Variants in RFX7 observed in about 807,000 individuals in gnomAD.
RFX7 encodes DNA-binding protein RFX7.
In RFX7, 26 loss-of-function variants were observed where a neutral mutation model predicts 111.8. The observed-to-expected ratio is 0.23, with a 90% CI of 0.17 to 0.32. RFX7 has a LOEUF of 0.32. Among genes scored for constraint, RFX7 ranks in the 10% least tolerant of loss-of-function variants. The probability of loss-of-function intolerance (pLI) is 1.00; values close to 1 mark genes in which losing one functional copy is unlikely to be tolerated. For missense variants in RFX7, 1,573 were observed against 1,772.9 expected, an observed-to-expected ratio of 0.89 and a Z score of 2.02; for synonymous variants, 624 against 624.4, an observed-to-expected ratio of 1.00 and a Z score of 0.01.
At chr15:56,244,819 T>C (rs2043806413), upstream of RFX7, among the ~76,000 whole-genome samples, 1 of 148,612 alleles carries the variant, frequency 6.7e-6, no homozygotes, top group Admixed American at 6.7e-5. Context: ...TCCGCACCAT[T>C]CCCCCCCTTC....
chr15:56,220,742 T>C (rs983022421), intron 2 of RFX7, among the ~76,000 whole-genome samples: 2 of 152,186 alleles, frequency 1.3e-5, no homozygotes, highest in South Asian at 4.1e-4. Flanking sequence ...TGTCAAATCT[T>C]TCCTTTCCCG....
chr15:56,124,302 G>A (rs1299038134), intron 5 of RFX7, among the ~76,000 whole-genome samples: 1 of 151,940 alleles, frequency 6.6e-6, no homozygotes, highest in East Asian at 1.9e-4. Flanking sequence ...GGCACCTGTA[G>A]TCCCAGCTAC....
intron 3 of RFX7, among the ~76,000 whole-genome samples, chr15:56,173,693 T>G (rs778438776): frequency 1.3e-5 from 2 of 149,938 alleles, no homozygotes; most frequent in Non-Finnish European, 3.0e-5. Flanking sequence ...ACTCCGGAGG[T>G]TGAGGCAGGA....
intron 2 of RFX7, among the ~76,000 whole-genome samples, chr15:56,180,714 T>C (rs952504373): frequency 7.2e-6 from 1 of 139,842 alleles, no homozygotes; most frequent in Non-Finnish European, 1.5e-5. Context: ...GAGACCAGCT[T>C]GGGCAACACG....
chr15:56,212,804 A>C (rs2043326051), intron 2 of RFX7, among the ~76,000 whole-genome samples: 1 of 152,146 alleles, frequency 6.6e-6, no homozygotes, highest in South Asian at 2.1e-4. Flanking sequence ...ACTCAACAGC[A>C]AAAAAAGCAA....
At chr15:56,128,862 G>A (rs1204653164) in intron 5 of RFX7, among the ~76,000 whole-genome samples, 1 of 151,414 alleles carries the variant, frequency 6.6e-6, no homozygotes, top group Non-Finnish European at 1.5e-5. Flanking sequence ...AAAATTGCAG[G>A]ATACGAGATC....
At chr15:56,198,048 C>A (rs1396642084) in intron 2 of RFX7, among the ~76,000 whole-genome samples, 2 of 152,172 alleles carry the variant, frequency 1.3e-5, no homozygotes, top group African/African-American at 4.8e-5. Flanking sequence ...CTTGATACAG[C>A]AATGCTAGCT....
chr15:56,241,079 T>C (rs1239239989), intron 2 of RFX7, among the ~76,000 whole-genome samples: 1 of 152,136 alleles, frequency 6.6e-6, no homozygotes, highest in Non-Finnish European at 1.5e-5. Flanking sequence ...CAAATAGGAT[T>C]TCTAAAGTTG....
At chr15:56,153,400 T>C (rs1020504166) in intron 3 of RFX7, among the ~76,000 whole-genome samples, 5 of 152,214 alleles carry the variant, frequency 3.3e-5, no homozygotes, top group African/African-American at 1.2e-4. Context: ...GCAAGGCTTG[T>C]TCACCATACA....
At chr15:56,142,950 G>C (rs141891738) in intron 4 of RFX7, 50 bp from the exon 5 acceptor site, 20 of 1,600,080 alleles carry the variant, frequency 1.2e-5, no homozygotes, top group Non-Finnish European at 1.5e-5. Context: ...ATTCATTAAC[G>C]ATTTTTGAGC....
At chr15:56,210,424 T>C (rs2043301489) in intron 2 of RFX7, among the ~76,000 whole-genome samples, 1 of 152,034 alleles carries the variant, frequency 6.6e-6, no homozygotes, top group African/African-American at 2.4e-5. Flanking sequence ...TGGTATGAAA[T>C]CAGGAAGGAC....
intron 3 of RFX7, among the ~76,000 whole-genome samples, chr15:56,150,292 G>T (rs1389046149): frequency 6.6e-6 from 1 of 152,192 alleles, no homozygotes; most frequent in Admixed American, 6.5e-5. Context: ...AACTCCCAGT[G>T]CAGCGTTCCA....
At chr15:56,210,334 A>G (rs138280598) in intron 2 of RFX7, among the ~76,000 whole-genome samples, 3 of 152,214 alleles carry the variant, frequency 2.0e-5, no homozygotes, top group African/African-American at 7.2e-5. Flanking sequence ...GAGAACTGCA[A>G]GGAGAAACAG....
intron 3 of RFX7, among the ~76,000 whole-genome samples, chr15:56,174,120 A>T (rs2042875701): frequency 6.6e-6 from 1 of 152,092 alleles, no homozygotes; most frequent in East Asian, 1.9e-4. Context: ...TCTACTAAAA[A>T]TACAAAAATA....
chr15:56,127,172 G>A (rs374692172), intron 5 of RFX7, among the ~76,000 whole-genome samples: 1 of 151,912 alleles, frequency 6.6e-6, no homozygotes, highest in African/African-American at 2.4e-5. Context: ...GAAGCTAGAA[G>A]TCAATAACTG....
chr15:56,109,247 T>G (rs1264016733), intron 5 of RFX7, among the ~76,000 whole-genome samples: 1 of 152,238 alleles, frequency 6.6e-6, no homozygotes, highest in Non-Finnish European at 1.5e-5. Flanking sequence ...GGGGTTTCGC[T>G]GTGTTGGCCA....
At chr15:56,225,241 C>G (rs1283397141) in intron 2 of RFX7, among the ~76,000 whole-genome samples, 2 of 152,102 alleles carry the variant, frequency 1.3e-5, no homozygotes, top group Non-Finnish European at 2.9e-5. Flanking sequence ...TAAGTCATAG[C>G]AAAGATTAAC....
At chr15:56,120,799 GATA>G (rs2042068874) in intron 5 of RFX7, among the ~76,000 whole-genome samples, 1 of 152,172 alleles carries the variant, frequency 6.6e-6, no homozygotes, top group Non-Finnish European at 1.5e-5. Flanking sequence ...GAGGCTTGCA[GATA>G]ATATCTTACA....
chr15:56,181,689 T>C (rs1231663249), intron 2 of RFX7, among the ~76,000 whole-genome samples: 1 of 152,218 alleles, frequency 6.6e-6, no homozygotes, highest in African/African-American at 2.4e-5. Context: ...TTATAACATA[T>C]AGATCTCAAT....
Sources: allele counts gnomAD v4.1 joint callset (sites outside exome capture counted in the v4.1 genomes callset), GRCh38; gene constraint gnomAD v4.1.1; transcripts MANE v1.5; gene names NCBI Gene and HGNC (gene_info 2026-07-23, HGNC 2026-07-21).